SOX6: variants seen among roughly 807,000 people sequenced by gnomAD.
SOX6 encodes SRY-box transcription factor 6.
SOX6 carries 11 observed loss-of-function variants against 97.8 expected under a neutral mutation model. The observed-to-expected ratio is 0.11, with a 90% CI of 0.07 to 0.19. The LOEUF is 0.19. Ranked by LOEUF, SOX6 falls within the 10% of genes least tolerant of loss-of-function variation. The probability of loss-of-function intolerance (pLI) is 1.00; values close to 1 mark genes in which losing one functional copy is unlikely to be tolerated. For synonymous variants in SOX6, 360 were observed against 371.4 expected (o/e 0.97, Z 0.35); for missense variants, 810 against 1,039.5 (o/e 0.78, Z 3.04).
At chr11:16,243,494 TA>T (rs1853252330) in intron 3 of SOX6, among the ~76,000 whole-genome samples, 1 of 151,902 alleles carries the variant, frequency 6.6e-6, no homozygotes. Flanking sequence ...CAAGCAGCTA[TA>T]AAACTAGTTT....
intron 3 of SOX6, among the ~76,000 whole-genome samples, chr11:16,679,455 C>T (rs965411033): frequency 7.9e-5 from 12 of 152,194 alleles, no homozygotes; most frequent in Non-Finnish European, 1.2e-4. Flanking sequence ...CAAAACCCCA[C>T]TGTAGGTCAC....
chr11:16,457,297 A>G (rs1372755276), intron 1 of SOX6, among the ~76,000 whole-genome samples: 2 of 152,240 alleles, frequency 1.3e-5, no homozygotes, highest in Non-Finnish European at 2.9e-5. Context: ...TAAAAATGCA[A>G]TGCAATCCTA....
At chr11:16,161,155 G>A (rs1589984951) in intron 6 of SOX6, among the ~76,000 whole-genome samples, 1 of 152,028 alleles carries the variant, frequency 6.6e-6, no homozygotes, top group Non-Finnish European at 1.5e-5. Context: ...CTATAAACAT[G>A]ATGTCACTGG....
At position 16,206,682 on chromosome 11, in the gene SOX6, C is replaced by T. The variant is rs546506260; in HGVS notation, c.536-19727G>A. On this transcript the variant is annotated intron_variant, in intron 4 of 15. Coordinates refer to ENST00000683767, the MANE Select transcript of SOX6 (RefSeq NM_001367873.1). ...ATAGTGAGCACTCAATAAATACTTG[C>T]CATTATGATCATATAATGTCTATAT... Among the ~76,000 whole-genome samples the T allele has an allele frequency of 1.3e-3, 199 of 152,150 alleles. 1 individual carries two copies. Among genetic ancestry groups the T allele is most frequent in the African/African-American group, 4.7e-3 (195 of 41,512 alleles).
intron 3 of SOX6, among the ~76,000 whole-genome samples, chr11:16,632,901 A>C (rs917609543): frequency 1.3e-5 from 2 of 152,192 alleles, no homozygotes; most frequent in Non-Finnish European, 2.9e-5. Flanking sequence ...ATGCCTGAGG[A>C]TCTGCCTGGG....
At chr11:16,560,601 GTATGTTTATACGTACATA>G (rs1565180743) in intron 4 of SOX6, among the ~76,000 whole-genome samples, 12 of 41,918 alleles carry the variant, frequency 2.9e-4, no homozygotes, top group Admixed American at 1.2e-3. Context: ...ATACGTACAT[GTATGTTTATACGTACATA>G]TATGTTTATA....
At chr11:16,313,453 G>C (rs181636419) in intron 3 of SOX6, 43 of 152,252 alleles carry the variant, frequency 2.8e-4, no homozygotes, top group African/African-American at 9.9e-4. Context: ...AGATGTGAGG[G>C]AGAGGTGGGT....
chr11:16,281,139 T>C (rs1293767484), intron 3 of SOX6, among the ~76,000 whole-genome samples: 2 of 152,114 alleles, frequency 1.3e-5, no homozygotes, highest in African/African-American at 2.4e-5. Context: ...AGTTTCCAAG[T>C]ATCAGAAGTA....
intron 3 of SOX6, among the ~76,000 whole-genome samples, chr11:16,706,463 AAAAAAAAAATATATATATATATAT>A (rs1848133494): frequency 4.6e-5 from 1 of 21,832 alleles, no homozygotes; most frequent in African/African-American, 1.6e-4. Flanking sequence ...AAAAAAAAAA[AAAAAAAAAATATATATATATATAT>A]ATATATATAT....
chr11:16,112,900 C>A (rs1849264566), intron 6 of SOX6, among the ~76,000 whole-genome samples: 2 of 152,064 alleles, frequency 1.3e-5, no homozygotes. Context: ...AAGATGAAAA[C>A]TAAGATATAC....
intron 1 of SOX6, among the ~76,000 whole-genome samples, chr11:16,457,825 T>C (rs909082307): frequency 2.0e-5 from 3 of 152,112 alleles, no homozygotes; most frequent in Admixed American, 1.3e-4. Flanking sequence ...ACAGCAATGG[T>C]TGAAGTTATA....
rs370775334 is a variant in SOX6 at position 16,341,955 on chromosome 11, G to A, written c.-4-703C>T. ...GTTAGATTAGTTTTAGGGCAATTTTGTAGCATTTGAATTAAGTATCTGAAA... is the reference window on the plus strand; with the variant it reads ...GTTAGATTAGTTTTAGGGCAATTTTATAGCATTTGAATTAAGTATCTGAAA... On this transcript the variant is annotated intron_variant, in intron 1 of 15. Transcript: ENST00000683767. Among the ~76,000 whole-genome samples, 52 of 152,032 alleles carry A rather than the reference G, an allele frequency of 3.4e-4. No individual in the cohort carries two copies. In the East Asian group the frequency reaches 4.6e-3, roughly 14 times the overall value.
At position 16,251,436 on chromosome 11, in the gene SOX6, C is replaced by G. The variant is rs140833108; in HGVS notation, c.446-16765G>C. Among the ~76,000 whole-genome samples, 814 of 151,554 alleles carry G rather than the reference C, an allele frequency of 5.4e-3. 7 individuals carry two copies. Among genetic ancestry groups the G allele is most frequent in the African/African-American group, 0.019 (777 of 41,364 alleles). On this transcript the variant is annotated intron_variant, in intron 3 of 15. Coordinates refer to ENST00000683767, the MANE Select transcript of SOX6 (RefSeq NM_001367873.1). ...CAATAATGAAAAAGGAGACATTATT[C>G]CATATATATGTATTCTTACAGACAT...
At chr11:16,570,443 C>T (rs959118869) in intron 4 of SOX6, among the ~76,000 whole-genome samples, 7 of 151,952 alleles carry the variant, frequency 4.6e-5, no homozygotes, top group African/African-American at 1.7e-4. Context: ...TTTTAAATGT[C>T]CAACTAATTC....
At chr11:16,169,925 TA>T (rs10603433) in intron 6 of SOX6, among the ~76,000 whole-genome samples, 14,204 of 148,830 alleles carry the variant, frequency 0.095, 1,145 homozygotes, top group East Asian at 0.37. Context: ...TGTGTTTATG[TA>T]AAAAAAAAAA....
At chr11:16,389,797 T>C (rs931386793) in intron 1 of SOX6, among the ~76,000 whole-genome samples, 11 of 151,128 alleles carry the variant, frequency 7.3e-5, no homozygotes, top group Admixed American at 5.9e-4. Flanking sequence ...TGAAACCCCG[T>C]CTCTACTAAA....
At chr11:16,519,692 AT>A (rs1232180463) in intron 4 of SOX6, among the ~76,000 whole-genome samples, 3 of 152,138 alleles carry the variant, frequency 2.0e-5, no homozygotes, top group Non-Finnish European at 2.9e-5. Context: ...TGATAAAATG[AT>A]TTCTTTTCCT....
intron 2 of SOX6, among the ~76,000 whole-genome samples, chr11:16,340,194 T>C (rs1426588292): frequency 6.6e-6 from 1 of 152,138 alleles, no homozygotes; most frequent in Non-Finnish European, 1.5e-5. Context: ...TTTCTCAGTG[T>C]CCACTTAAAA....
intron 1 of SOX6, among the ~76,000 whole-genome samples, chr11:16,425,343 C>CGGG (rs1462501520): frequency 1.3e-5 from 2 of 152,172 alleles, no homozygotes; most frequent in Non-Finnish European, 2.9e-5. Flanking sequence ...ATTTAGTGAA[C>CGGG]ATCTAACATG....
Sources: allele counts gnomAD v4.1 joint callset (sites outside exome capture counted in the v4.1 genomes callset), GRCh38; gene constraint gnomAD v4.1.1; transcripts MANE v1.5; gene names NCBI Gene and HGNC (gene_info 2026-07-23, HGNC 2026-07-21).